The following ASAP1 variants were observed in gnomAD, a reference collection of about 807,000 sequenced individuals.
ASAP1 encodes the protein ArfGAP with SH3 domain, ankyrin repeat and PH domain 1, also known as arf-GAP with SH3 domain, ANK repeat and PH domain-containing protein 1.
A neutral mutation model predicts 145.2 loss-of-function variants in ASAP1; 43 were observed. That is an observed-to-expected ratio of 0.30 (90% CI 0.23 to 0.38). ASAP1 has a LOEUF of 0.38. ASAP1 is among the 10% of genes least tolerant of loss of function. The pLI is 1.00. For synonymous variants in ASAP1, 546 were observed against 515.5 expected, an observed-to-expected ratio of 1.06 and a Z score of -0.80; for missense variants, 1,018 against 1,355.3, an observed-to-expected ratio of 0.75 and a Z score of 3.91.
intron 1 of ASAP1, among the ~76,000 whole-genome samples, chr8:130,433,768 C>T (rs1275608548): frequency 1.3e-5 from 2 of 152,210 alleles, no homozygotes; most frequent in African/African-American, 4.8e-5. Context: ...GTACCAGTTA[C>T]GTGCCAGGCA....
At chr8:130,122,873 A>C (rs1343887971) in intron 18 of ASAP1, among the ~76,000 whole-genome samples, 1 of 152,252 alleles carries the variant, frequency 6.6e-6, no homozygotes, top group Non-Finnish European at 1.5e-5. Flanking sequence ...TATGACATTC[A>C]TCTGGCAGCT....
chr8:130,241,030 ACCTCTCCAGGCCGAGTGGTATC>A (rs961439230), intron 3 of ASAP1, among the ~76,000 whole-genome samples: 1 of 152,006 alleles, frequency 6.6e-6, no homozygotes, highest in African/African-American at 2.4e-5. Context: ...AGGGTAGCAT[ACCTCTCCAGGCCGAGTGGTATC>A]CCTCAGTCAC....
chr8:130,096,758 T>C (rs541097383), intron 24 of ASAP1, among the ~76,000 whole-genome samples: 2 of 152,180 alleles, frequency 1.3e-5, no homozygotes, highest in African/African-American at 2.4e-5. Context: ...TAAACAGAGA[T>C]GGATGACAGG....
At chr8:130,272,293 T>C (rs1820631161) in intron 3 of ASAP1, among the ~76,000 whole-genome samples, 1 of 152,196 alleles carries the variant, frequency 6.6e-6, no homozygotes, top group African/African-American at 2.4e-5. Flanking sequence ...ACATATCATC[T>C]TATCCCAGTT....
Position 130,261,834 on chromosome 8 carries a change from C to T in ASAP1, c.187-24840G>A, listed in dbSNP as rs73712895. Among the ~76,000 whole-genome samples the T allele has an allele frequency of 7.3e-3, 1,113 of 152,128 alleles. 15 individuals are homozygous for T. The highest frequency in any genetic ancestry group is 0.026 in the African/African-American group (1,071 of 41,478). Reference sequence around the variant, plus strand: ...GATTATAGTCAAGGGATCTCCCTCCCTCCCTATGTTAGTTTTTGTTCTTAG... The same window carrying T: ...GATTATAGTCAAGGGATCTCCCTCCTTCCCTATGTTAGTTTTTGTTCTTAG... On this transcript the variant is annotated intron_variant, in intron 3 of 29. Transcript: ENST00000518721.
intron 9 of ASAP1, among the ~76,000 whole-genome samples, chr8:130,176,888 C>T (rs138402553): frequency 1.3e-5 from 2 of 152,050 alleles, no homozygotes; most frequent in Non-Finnish European, 2.9e-5. Context: ...CGGGGTTTTG[C>T]CATGTTGGTC....
intron 2 of ASAP1, among the ~76,000 whole-genome samples, chr8:130,360,154 G>A (rs532284976): frequency 2.6e-5 from 4 of 152,336 alleles, no homozygotes; most frequent in Admixed American, 2.0e-4. Context: ...TTCTAGGACA[G>A]AACTAGACAA....
At chr8:130,167,393 A>G (rs536252766) in intron 11 of ASAP1, 143 bp downstream of exon 11, 20 of 798,582 alleles carry the variant, frequency 2.5e-5, no homozygotes, top group South Asian at 2.4e-4. Context: ...ACTAAAATAC[A>G]GTTTCTACAT....
intron 25 of ASAP1, chr8:130,082,593 T>A (rs1222004825): frequency 1.3e-5 from 2 of 150,376 alleles, no homozygotes; most frequent in Non-Finnish European, 3.0e-5. Flanking sequence ...AGCCTTAAAC[T>A]CCTGGGCTCA....
At chr8:130,407,690 C>T (rs949881170) in intron 1 of ASAP1, among the ~76,000 whole-genome samples, 7 of 152,172 alleles carry the variant, frequency 4.6e-5, no homozygotes, top group East Asian at 1.9e-4. Context: ...TTCTGTTCTA[C>T]GACTTACAGT....
intron 2 of ASAP1, among the ~76,000 whole-genome samples, chr8:130,381,673 C>T (rs7836273): frequency 0.034 from 5,240 of 152,274 alleles, 126 homozygotes; most frequent in Middle Eastern, 0.065. Flanking sequence ...AATCTACTCC[C>T]ATGACTTAGT....
At chr8:130,100,415 C>T (rs1244411129) in intron 24 of ASAP1, among the ~76,000 whole-genome samples, 1 of 151,936 alleles carries the variant, frequency 6.6e-6, no homozygotes, top group Non-Finnish European at 1.5e-5. Context: ...CTGCAACCTC[C>T]GCCTCCCAGG....
Position 130,137,042 on chromosome 8 carries a change from G to C in ASAP1, c.1081-4C>G, listed in dbSNP as rs1395619499. On this transcript the variant is annotated splice_polypyrimidine_tract_variant and splice_region_variant and intron_variant, in intron 13 of 29. Coordinates refer to ENST00000518721, the MANE Select transcript of ASAP1 (RefSeq NM_018482.4). ...ACTTGGCTGGTTGCCTGTTAGACTG[G>C]AAAAAAAGAGAAAATGGAGAAGTTA... 1 of 1,612,592 alleles carries C rather than the reference G, an allele frequency of 6.2e-7. No individual in the cohort carries two copies. The highest frequency in any genetic ancestry group is 1.7e-5 in the Admixed American group (1 of 60,000).
chr8:130,308,957 C>CGGGCAGTTGAGGGAAAGGG (rs1823160504), intron 3 of ASAP1, among the ~76,000 whole-genome samples: 1 of 152,236 alleles, frequency 6.6e-6, no homozygotes, highest in Admixed American at 6.5e-5. Context: ...ACAACTATCA[C>CGGGCAGTTGAGGGAAAGGG]GGGCAGTTGA....
At chr8:130,108,746 C>A (rs1213564357) in intron 24 of ASAP1, among the ~76,000 whole-genome samples, 1 of 143,436 alleles carries the variant, frequency 7.0e-6, no homozygotes, top group Non-Finnish European at 1.5e-5. Flanking sequence ...CTTGGCAAGC[C>A]TCAAAAACCA....
chr8:130,284,842 TACACACACAC>T (rs34799517), intron 3 of ASAP1, among the ~76,000 whole-genome samples: 22 of 141,628 alleles, frequency 1.6e-4, no homozygotes, highest in East Asian at 1.3e-3. Flanking sequence ...TTTTACACTC[TACACACACAC>T]ACACACACAC....
At chr8:130,105,094 T>C (rs954593509) in intron 24 of ASAP1, among the ~76,000 whole-genome samples, 2 of 152,176 alleles carry the variant, frequency 1.3e-5, no homozygotes, top group African/African-American at 4.8e-5. Flanking sequence ...GTATAACATA[T>C]TGTTTTAAAA....
At chr8:130,078,453 A>AT (rs971931424) in intron 26 of ASAP1, among the ~76,000 whole-genome samples, 5 of 150,778 alleles carry the variant, frequency 3.3e-5, no homozygotes, top group African/African-American at 9.8e-5. Context: ...TACCCGGCTG[A>AT]TTTTTTTTAT....
rs186388808 is a variant in ASAP1 at position 130,083,383 on chromosome 8, T to A, written c.2573-3412A>T. 6.6e-5 allele frequency: 10 copies of A among 152,360 alleles called. No homozygotes were observed. The East Asian group carries it at 1.9e-3, about 29-fold the overall frequency. The allele number at this position is 152,360 out of a possible 1,614,324, so 9.4% of individuals were successfully genotyped here. On this transcript the variant is annotated intron_variant, in intron 25 of 29. Coordinates refer to ENST00000518721, the MANE Select transcript of ASAP1 (RefSeq NM_018482.4). ...TCAAAGAACACCTTTAGAGTCACTT[T>A]CTGAGAATTCTTCCATAGCTGACTT...
Sources: gnomAD v4.1 joint callset for allele counts (sites outside exome capture counted in the v4.1 genomes callset) on GRCh38, gnomAD v4.1.1 for gene constraint, MANE v1.5 for transcripts, NCBI Gene and HGNC (gene_info 2026-07-23, HGNC 2026-07-21) for gene names.